Variants in SYT4 observed in about 807,000 individuals in gnomAD.
SYT4 encodes the protein synaptotagmin-4.
SYT4 carries 7 observed loss-of-function variants against 32.9 expected under a neutral mutation model. The observed-to-expected ratio is 0.21, with a 90% confidence interval of 0.12 to 0.40. The LOEUF is 0.40. Among genes scored for constraint, SYT4 ranks in the 10% least tolerant of loss-of-function variants. SYT4 has a pLI of 1.00. For synonymous variants in SYT4, 205 were observed against 186.2 expected (o/e 1.10, Z -0.82); for missense variants, 480 against 488.0 (o/e 0.98, Z 0.16).
At chr18:43,271,682 T>C (rs1317147638) in intron 3 of SYT4, 30 bp downstream of exon 3, 3 of 1,610,500 alleles carry the variant, frequency 1.9e-6, no homozygotes, top group Non-Finnish European at 2.5e-6. Context: ...AATCATACAG[T>C]GAATCTGAAT....
chr18:43,277,168 G>T, intron 1 of SYT4, 80 bp downstream of exon 1: 1 of 1,562,074 alleles, frequency 6.4e-7, no homozygotes, highest in Non-Finnish European at 8.7e-7. Flanking sequence ...TCAACAACCG[G>T]GCAAAAAATA....
intron 1 of SYT4, among the ~76,000 whole-genome samples, chr18:43,276,367 A>G (rs1380765468): frequency 6.6e-6 from 1 of 152,218 alleles, no homozygotes; most frequent in East Asian, 1.9e-4. Context: ...ATCTGTAGAT[A>G]TCACTCCTCT....
In SYT4 at chr18:43,270,191, T is replaced by A; in HGVS notation, c.*150A>T. 1.3e-6 allele frequency: 1 copy of A among 787,076 alleles called. No homozygotes were observed. The highest frequency in any genetic ancestry group is 2.5e-5 in the East Asian group (1 of 40,636). 48.8% of individuals were successfully genotyped at this position (787,076 alleles called of 1,614,324 possible). ...TATCATAATACACATTTGAAGTTACTTTCTGGTCTACTAATTCAATCCATT... is the reference window on the plus strand; with the variant it reads ...TATCATAATACACATTTGAAGTTACATTCTGGTCTACTAATTCAATCCATT... On this transcript the variant is annotated 3_prime_UTR_variant, in exon 4 of 4. Transcript: ENST00000255224.
rs1183433040 is a variant in SYT4 at position 43,268,760 on chromosome 18, CTTTGTACATACAGAATGTAATACA to C, written c.*1557_*1580del. 6.6e-6 allele frequency: 1 copy of C among 152,534 alleles called. No individual in the cohort carries two copies. Among genetic ancestry groups the C allele is most frequent in the East Asian group, 1.9e-4 (1 of 5,182 alleles). 9.4% of individuals were successfully genotyped at this position (152,534 alleles called of 1,614,324 possible). On this transcript the variant is annotated 3_prime_UTR_variant, in exon 4 of 4. Coordinates refer to ENST00000255224, the MANE Select transcript of SYT4 (RefSeq NM_020783.4). Reference sequence around the variant, plus strand: ...CACAAAAAAGAGGTTGATTTTTAATCTTTGTACATACAGAATGTAATACATTTTCTTTACATTAGGCATAGTCAT... The same window carrying C: ...CACAAAAAAGAGGTTGATTTTTAATCTTTTCTTTACATTAGGCATAGTCAT...
intron 2 of SYT4, among the ~76,000 whole-genome samples, chr18:43,272,725 T>C (rs796755552): frequency 2.0e-5 from 3 of 152,258 alleles, no homozygotes; most frequent in Admixed American, 6.5e-5. Context: ...TTATTCCCAC[T>C]GTATCACTTA....
rs1598662565 is a variant in SYT4 at position 43,268,457 on chromosome 18, T to C, written c.*1884A>G. ...CGTCCAACAACCATACCTCAGCTGC[T>C]ACCACCATTAACTTCTGGCTGCCGT... is the stretch of plus-strand genomic sequence containing the variant. On this transcript the variant is annotated 3_prime_UTR_variant, in exon 4 of 4. Transcript: ENST00000255224. 2 of 152,130 alleles carry C rather than the reference T, an allele frequency of 1.3e-5. No homozygotes were observed. Among genetic ancestry groups the C allele is most frequent in the East Asian group, 3.9e-4 (2 of 5,172 alleles). 9.4% of individuals were successfully genotyped at this position (152,130 alleles called of 1,614,324 possible). A position where few individuals can be genotyped will look rare whatever the true frequency, so the allele number is the denominator to read the frequency against.
intron 1 of SYT4, among the ~76,000 whole-genome samples, chr18:43,274,967 A>G (rs932989437): frequency 6.6e-6 from 1 of 152,188 alleles, no homozygotes; most frequent in African/African-American, 2.4e-5. Context: ...AAATATACAT[A>G]TATTAGAGAA....
rs1908531459 is a variant in SYT4, at chr18:43,268,665, G to A, written c.*1676C>T. 6.6e-6 allele frequency: 1 copy of A among 152,574 alleles called. No individual in the cohort carries two copies. Among genetic ancestry groups the A allele is most frequent in the Non-Finnish European group, 1.5e-5 (1 of 68,032 alleles). 9.5% of individuals were successfully genotyped at this position (152,574 alleles called of 1,614,324 possible). ...TGCCGAGTGGAGCAAGATGCTGTGA[G>A]GTGACTTTGTAGTGGAATGAAGACA... On this transcript the variant is annotated 3_prime_UTR_variant, in exon 4 of 4. Transcript: ENST00000255224.
rs1023275165 is a variant in SYT4 at position 43,277,278 on chromosome 18, C to G, written c.4G>C (p.Ala2Pro). The G allele has an allele frequency of 6.2e-7, 1 of 1,613,960 alleles. No homozygotes were observed. Among genetic ancestry groups the G allele is most frequent in the Non-Finnish European group, 8.5e-7 (1 of 1,179,934 alleles). M[A>P]PITTSREEFD... ...TCTTCCCGGCTGGTGGTGATCGGAG[C>G]CATTTTTTACTGCGTGTTCTGTCCG... Residue 2 changes from alanine to proline, a missense_variant, in exon 1 of 4, where the codon GCT becomes CCT. By Grantham distance (27) the Ala-to-Pro change is conservative. Transcript: ENST00000255224.
intron 1 of SYT4, among the ~76,000 whole-genome samples, 166 bp downstream of exon 1, chr18:43,277,082 G>A (rs1031279563): frequency 1.3e-5 from 2 of 152,148 alleles, no homozygotes; most frequent in South Asian, 4.1e-4. Flanking sequence ...AGGGAGAGAA[G>A]CTGCAGAAAT....
intron 3 of SYT4, 53 bp downstream of exon 3, chr18:43,271,659 T>C (rs1764437422): frequency 1.2e-6 from 2 of 1,606,378 alleles, no homozygotes; most frequent in African/African-American, 2.7e-5. Flanking sequence ...TCATTTGCAG[T>C]CAAATACATT....
rs548367244 is a variant in SYT4, at chr18:43,271,800, A to G, written c.882T>C (p.Ser294=). The G allele has an allele frequency of 5.0e-6, 8 of 1,613,148 alleles. No individual in the cohort carries two copies. The Admixed American group carries it at 1.3e-4, about 27-fold the overall frequency. Residue 294 remains serine (S), a synonymous_variant, in exon 3 of 4, where the codon TCT becomes TCC. Transcript: ENST00000255224. ...TGTTTGTGGTGGACTGATAGCAGAG[A>G]GAGATCAGTAACTCACCCCGTCCTG... ...KSSGRGELLI[S]LCYQSTTNTL... is the part of the protein sequence containing the mutation.
intron 1 of SYT4, among the ~76,000 whole-genome samples, chr18:43,275,138 A>G (rs1204089013): frequency 6.6e-6 from 1 of 152,160 alleles, no homozygotes; most frequent in African/African-American, 2.4e-5. Flanking sequence ...CAATGGTTAT[A>G]AGTGAATCAG....
In SYT4 at chr18:43,269,657, A is replaced by G. The variant is rs990142008; in HGVS notation, c.*684T>C. 4 of 152,712 alleles carry G rather than the reference A, an allele frequency of 2.6e-5. No individual in the cohort carries two copies. Among genetic ancestry groups the G allele is most frequent in the African/African-American group, 9.6e-5 (4 of 41,464 alleles). The allele number at this position is 152,712 out of a possible 1,614,324, so 9.5% of individuals were successfully genotyped here. A position where few individuals can be genotyped will look rare whatever the true frequency, so the allele number is the denominator to read the frequency against. On this transcript the variant is annotated 3_prime_UTR_variant, in exon 4 of 4. Transcript: ENST00000255224. ...GTTATATTTTACAAAATTTTGACTC[A>G]CATGTAACCTTAGGGGGGAGAAAAA... is the stretch of plus-strand genomic sequence containing the variant.
chr18:43,274,080 C>G lies in SYT4; in HGVS notation c.349G>C (p.Asp117His). Reference protein sequence around the residue: ...KTNLKPGSPSDLENATPKLFL... With the variant: ...KTNLKPGSPSHLENATPKLFL... ...AGCTTCGGGGTTGCATTCTCCAGAT[C>G]AGAAGGACTGCCAGGTTTGAGGTTG... The change falls in exon 2 of 4, where the codon GAT becomes CAT. Residue 117 changes from aspartate to histidine, a missense_variant. Asp to His is a moderately conservative substitution (Grantham distance 81, BLOSUM62 -1). Coordinates refer to ENST00000255224, the MANE Select transcript of SYT4 (RefSeq NM_020783.4). 1 of 1,614,036 alleles carries G rather than the reference C, an allele frequency of 6.2e-7. No homozygotes were observed. The highest frequency in any genetic ancestry group is 8.5e-7 in the Non-Finnish European group (1 of 1,179,954).
chr18:43,270,461 C>T lies in SYT4; in HGVS notation c.1158G>A (p.Glu386=), dbSNP rs1908594561. The change falls in exon 4 of 4, where the codon GAG becomes GAA. Residue 386 remains glutamate, a synonymous_variant. Coordinates refer to ENST00000255224, the MANE Select transcript of SYT4 (RefSeq NM_020783.4). Reference sequence around the variant, plus strand: ...CACCCAAGACTAACTGCCCGATTACCTCATTTCGGGACCCCCTTTCAGAAT... The same window carrying T: ...CACCCAAGACTAACTGCCCGATTACTTCATTTCGGGACCCCCTTTCAGAAT... ...VLDSERGSRN[E]VIGQLVLGAA... The T allele has an allele frequency of 1.9e-6, 3 of 1,614,134 alleles. No individual in the cohort carries two copies. The highest frequency in any genetic ancestry group is 1.1e-5 in the South Asian group (1 of 91,084).
intron 3 of SYT4, 74 bp downstream of exon 3, chr18:43,271,638 A>T: frequency 1.3e-6 from 2 of 1,582,730 alleles, no homozygotes; most frequent in Non-Finnish European, 1.7e-6. Context: ...GAAGAGTAAG[A>T]GTAGGTGGGC....
At position 43,271,793 on chromosome 18, in the gene SYT4, A is replaced by G; in HGVS notation, c.889T>C (p.Tyr297His). ...GTTAGAGTGTTTGTGGTGGACTGAT[A>G]GCAGAGAGAGATCAGTAACTCACCC... ...GRGELLISLC[Y>H]QSTTNTLTVV... The change falls in exon 3 of 4, where the codon TAT becomes CAT. Residue 297 changes from tyrosine (Y) to histidine (H), a missense_variant. Coordinates refer to ENST00000255224, the MANE Select transcript of SYT4 (RefSeq NM_020783.4). 6.2e-7 allele frequency: 1 copy of G among 1,613,194 alleles called. No individual in the cohort carries two copies. Among genetic ancestry groups the G allele is most frequent in the Non-Finnish European group, 8.5e-7 (1 of 1,179,256 alleles).
rs759156436 is a variant in SYT4 at position 43,270,333 on chromosome 18, C to A, written c.*8G>T. On this transcript the variant is annotated 3_prime_UTR_variant, in exon 4 of 4. Transcript: ENST00000255224. Reference sequence around the variant, plus strand: ...AAAACCTTTAAGTTCCAACTCACGGCTAGGATGCTAACCATCACAGAGCAC... The same window carrying A: ...AAAACCTTTAAGTTCCAACTCACGGATAGGATGCTAACCATCACAGAGCAC... 4 of 1,610,110 alleles carry A rather than the reference C, an allele frequency of 2.5e-6. No individual in the cohort carries two copies. In the East Asian group the frequency reaches 8.9e-5, roughly 36 times the overall value.
Sources: gnomAD v4.1 joint callset for allele counts (sites outside exome capture counted in the v4.1 genomes callset) on GRCh38, gnomAD v4.1.1 for gene constraint, MANE v1.5 for transcripts, NCBI Gene and HGNC (gene_info 2026-07-23, HGNC 2026-07-21) for gene names.